COLEC11: variants seen among roughly 807,000 people sequenced by gnomAD.
COLEC11 encodes the protein collectin subfamily member 11, also known as collectin-11.
Under a neutral mutation model 27.3 loss-of-function variants are expected in COLEC11, and 20 were observed. That is an observed-to-expected ratio of 0.73 (90% CI 0.51 to 1.06). The LOEUF is 1.06. Ranked by LOEUF, COLEC11 falls within the 50% of genes least tolerant of loss-of-function variation. COLEC11 has a pLI of 0.00. For missense variants in COLEC11, 310 were observed against 383.0 expected, an observed-to-expected ratio of 0.81 and a Z score of 1.59; for synonymous variants, 163 against 154.7, an observed-to-expected ratio of 1.05 and a Z score of -0.40.
intron 5 of COLEC11, among the ~76,000 whole-genome samples, chr2:3,641,730 T>C (rs1665885170): frequency 6.6e-6 from 1 of 152,132 alleles, no homozygotes. Flanking sequence ...GGGGGGTGTC[T>C]CACGTATGAG....
chr2:3,623,843 T>G (rs1664342522), intron 3 of COLEC11, among the ~76,000 whole-genome samples: 1 of 152,236 alleles, frequency 6.6e-6, no homozygotes, highest in African/African-American at 2.4e-5. Context: ...AGAGTATTAT[T>G]GTGTTCCTTT....
At chr2:3,636,110 G>A (rs1439647693) in intron 3 of COLEC11, among the ~76,000 whole-genome samples, 1 of 152,224 alleles carries the variant, frequency 6.6e-6, no homozygotes, top group Non-Finnish European at 1.5e-5. Context: ...GTTCTAAGGA[G>A]GCAGGTGGCG....
At chr2:3,612,434 G>A (rs377478934) in intron 2 of COLEC11, among the ~76,000 whole-genome samples, 97 of 152,190 alleles carry the variant, frequency 6.4e-4, no homozygotes, top group Non-Finnish European at 1.1e-3. Context: ...GTGAGAAGGC[G>A]GACCCTGGAC....
chr2:3,637,749 T>TG, intron 4 of COLEC11, 145 bp downstream of exon 4: 2 of 769,632 alleles, frequency 2.6e-6, no homozygotes, highest in Non-Finnish European at 4.6e-6. Context: ...TCTACTGCAG[T>TG]ACTTCCATTT....
intron 2 of COLEC11, among the ~76,000 whole-genome samples, chr2:3,610,610 G>C (rs1186389073): frequency 2.0e-5 from 3 of 152,186 alleles, no homozygotes; most frequent in Non-Finnish European, 4.4e-5. Context: ...TCCCTGGGCT[G>C]CCTACTGCCT....
intron 3 of COLEC11, among the ~76,000 whole-genome samples, chr2:3,628,510 G>A (rs940846686): frequency 3.3e-5 from 5 of 152,260 alleles, no homozygotes; most frequent in Non-Finnish European, 7.3e-5. Context: ...CTTCCGCAAA[G>A]TGCATGCTCT....
At chr2:3,610,616 T>C (rs1257513834) in intron 2 of COLEC11, among the ~76,000 whole-genome samples, 1 of 152,192 alleles carries the variant, frequency 6.6e-6, no homozygotes, top group East Asian at 1.9e-4. Context: ...GGCTGCCTAC[T>C]GCCTCGGGCT....
chr2:3,634,733 G>GATTC (rs1230063122), intron 3 of COLEC11, among the ~76,000 whole-genome samples: 2 of 152,096 alleles, frequency 1.3e-5, no homozygotes, highest in African/African-American at 4.8e-5. Context: ...GGACTCACAG[G>GATTC]CTGCCGTGGA....
At chr2:3,637,829 G>T (rs1199732991) in intron 4 of COLEC11, among the ~76,000 whole-genome samples, 3 of 152,172 alleles carry the variant, frequency 2.0e-5, no homozygotes, top group Non-Finnish European at 4.4e-5. Flanking sequence ...CATTCTGCAG[G>T]ATTTTCACAG....
In COLEC11 at chr2:3,644,626, C is replaced by T. The variant is rs1666135725; in HGVS notation, c.*508C>T. 2.8e-6 allele frequency: 1 copy of T among 359,624 alleles called. No homozygotes were observed. The highest frequency in any genetic ancestry group is 2.1e-5 in the South Asian group (1 of 46,572). The allele number at this position is 359,624 out of a possible 1,614,324, so 22.3% of individuals were successfully genotyped here. ...AACCCAGATTTCAGGAAAACAACAA[C>T]AAAATTCTCCAAACTTTACTACTAA... On this transcript the variant is annotated 3_prime_UTR_variant, in exon 7 of 7. Transcript: ENST00000349077.
rs547829860 is a variant in COLEC11 at position 3,616,469 on chromosome 2, A to G, written c.202+3087A>G. On this transcript the variant is annotated intron_variant, in intron 3 of 6. Transcript: ENST00000349077. ...GCCACTGCACTCCAGCCTGGGCAACATTGAGCACTGAGTGAACGAGACTCC... is the reference window on the plus strand; with the variant it reads ...GCCACTGCACTCCAGCCTGGGCAACGTTGAGCACTGAGTGAACGAGACTCC... Among the ~76,000 whole-genome samples, 14 of 151,712 alleles carry G rather than the reference A, an allele frequency of 9.2e-5. No individual in the cohort carries two copies. The East Asian group carries it at 2.7e-3, about 29-fold the overall frequency.
chr2:3,630,054 G>A (rs116589175), intron 3 of COLEC11, among the ~76,000 whole-genome samples: 1,218 of 118,424 alleles, frequency 0.01, 12 homozygotes, highest in African/African-American at 0.039. Context: ...CATATGTTAC[G>A]TGTTTGCATA....
rs1308709498 is a variant in COLEC11, at chr2:3,637,701, G to A, written c.274+97G>A. On this transcript the variant is annotated intron_variant, in intron 4 of 6. Coordinates refer to ENST00000349077, the MANE Select transcript of COLEC11 (RefSeq NM_024027.5). ...ATTGTAGCCTGAATTGTCTCGTCTG[G>A]TGCTCTTATTTATATTCGGTGCATG... 2.2e-5 allele frequency: 22 copies of A among 989,860 alleles called. No individual in the cohort carries two copies. The East Asian group carries it at 5.0e-4, about 23-fold the overall frequency. The allele number at this position is 989,860 out of a possible 1,614,324, so 61.3% of individuals were successfully genotyped here.
At chr2:3,604,203 A>T (rs1342843957) in intron 1 of COLEC11, 112 bp from the exon 2 acceptor site, 1 of 1,172,088 alleles carries the variant, frequency 8.5e-7, no homozygotes, top group Non-Finnish European at 1.2e-6. Flanking sequence ...GGGCCCAGAC[A>T]GCCCTTCCAG....
At chr2:3,621,057 T>C (rs1002078176) in intron 3 of COLEC11, among the ~76,000 whole-genome samples, 3 of 152,204 alleles carry the variant, frequency 2.0e-5, no homozygotes, top group Non-Finnish European at 2.9e-5. Flanking sequence ...TAAAGTGTAG[T>C]TTATGTACAA....
chr2:3,623,897 T>C (rs1664345154), intron 3 of COLEC11, among the ~76,000 whole-genome samples: 1 of 152,226 alleles, frequency 6.6e-6, no homozygotes, highest in African/African-American at 2.4e-5. Flanking sequence ...CTTGAAGTCT[T>C]GCATTGCTGT....
chr2:3,643,960 T>C lies in COLEC11; in HGVS notation c.658T>C (p.Ser220Pro), dbSNP rs753041393. Residue 220 changes from serine to proline, a missense_variant, in exon 7 of 7, where the codon TCC becomes CCC. Coordinates refer to ENST00000349077, the MANE Select transcript of COLEC11 (RefSeq NM_024027.5). ...KEGAFVYSDHSPMRTFNKWRS... is the reference protein window; with the variant it reads ...KEGAFVYSDHPPMRTFNKWRS... ...GGGCGCCTTCGTGTACTCTGACCACTCCCCCATGCGGACCTTCAACAAGTG... is the reference window on the plus strand; with the variant it reads ...GGGCGCCTTCGTGTACTCTGACCACCCCCCCATGCGGACCTTCAACAAGTG... The C allele has an allele frequency of 1.2e-6, 2 of 1,614,080 alleles. No individual in the cohort carries two copies. The highest frequency in any genetic ancestry group is 8.5e-7 in the Non-Finnish European group (1 of 1,180,018).
chr2:3,611,610 G>A (rs995124758), intron 2 of COLEC11, among the ~76,000 whole-genome samples: 1 of 152,228 alleles, frequency 6.6e-6, no homozygotes, highest in African/African-American at 2.4e-5. Flanking sequence ...ACTACTTGGA[G>A]CCTCAGAGCA....
chr2:3,621,253 G>C (rs995412213), intron 3 of COLEC11, among the ~76,000 whole-genome samples: 1 of 152,098 alleles, frequency 6.6e-6, no homozygotes, highest in African/African-American at 2.4e-5. Flanking sequence ...TTGATGAATT[G>C]ACCTTTTATC....
Sources: gnomAD v4.1 joint callset for allele counts (sites outside exome capture counted in the v4.1 genomes callset) on GRCh38, gnomAD v4.1.1 for gene constraint, MANE v1.5 for transcripts, NCBI Gene and HGNC (gene_info 2026-07-23, HGNC 2026-07-21) for gene names.